EML3: variants seen among roughly 807,000 people sequenced by gnomAD.
EML3 encodes the protein echinoderm microtubule-associated protein-like 3.
In EML3, 53 loss-of-function variants were observed where a neutral mutation model predicts 106.7. The ratio of observed to expected loss-of-function variants is 0.50; its 90% CI spans 0.40 to 0.62. EML3 has a LOEUF of 0.62. Among genes scored for constraint, EML3 ranks in the 20% least tolerant of loss-of-function variants. The pLI is 0.00. For missense variants in EML3, 994 were observed against 1,209.1 expected, an observed-to-expected ratio of 0.82 and a Z score of 2.64; for synonymous variants, 499 against 489.6, an observed-to-expected ratio of 1.02 and a Z score of -0.25.
intron 12 of EML3, 103 bp from the exon 13 acceptor site, chr11:62,606,317 A>T: frequency 7.6e-7 from 1 of 1,323,632 alleles, no homozygotes; most frequent in Non-Finnish European, 1.0e-6. Context: ...CAGCCATTGC[A>T]TGCACTGACT....
intron 20 of EML3, 100 bp from the exon 21 acceptor site, chr11:62,602,989 G>A: frequency 6.8e-7 from 1 of 1,476,440 alleles, no homozygotes; most frequent in Non-Finnish European, 9.0e-7. Context: ...GCCACCCACT[G>A]CCGCGTTCCA....
rs1942640674 is a variant in EML3 at position 62,608,438 on chromosome 11, G to A, written c.1110+104C>T. 1.1e-5 allele frequency: 15 copies of A among 1,370,830 alleles called. No individual in the cohort carries two copies. In the South Asian group the frequency reaches 1.5e-4, roughly 14 times the overall value. 84.9% of individuals were successfully genotyped at this position (1,370,830 alleles called of 1,614,324 possible). A position where few individuals can be genotyped will look rare whatever the true frequency, so the allele number is the denominator to read the frequency against. On this transcript the variant is annotated intron_variant, in intron 9 of 21. Coordinates refer to ENST00000394773, the MANE Select transcript of EML3 (RefSeq NM_153265.3). ...TGGCCCTTTCTCAAGAGAACCAGCT[G>A]GGTGGGGTTCAGGAAGGCCAGAACT...
At chr11:62,603,871 GC>G in intron 18 of EML3, 55 bp from the exon 19 acceptor site, 1 of 1,610,670 alleles carries the variant, frequency 6.2e-7, no homozygotes, top group Non-Finnish European at 8.5e-7. Context: ...CATCCCCAGA[GC>G]CCCCTTGATG....
chr11:62,611,318 G>A lies in EML3; in HGVS notation c.221C>T (p.Pro74Leu). The stretch of plus-strand genomic sequence containing the variant: ...GCTCACCAAGGAAGGGGTGCACGTG[G>A]GTGGCAGTCCTGGGGGGGCTGCAAG... ...DSLAAPPGLP[P>L]TCTPSLVSRG... Residue 74 changes from proline to leucine, a missense_variant, in exon 3 of 22, where the codon CCC becomes CTC. Physicochemically the swap from Pro to Leu is moderately conservative, Grantham distance 98 (BLOSUM62 -3). Coordinates refer to ENST00000394773, the MANE Select transcript of EML3 (RefSeq NM_153265.3). 6.2e-7 allele frequency: 1 copy of A among 1,613,010 alleles called. No homozygotes were observed. The highest frequency in any genetic ancestry group is 1.7e-4 in the Middle Eastern group (1 of 6,056).
intron 4 of EML3, 127 bp from the exon 5 acceptor site, chr11:62,609,823 C>G (rs563154860): frequency 1.4e-5 from 11 of 781,046 alleles, no homozygotes; most frequent in Non-Finnish European, 2.0e-5. Context: ...TAGTTTGCTT[C>G]GTGAGTATCA....
chr11:62,603,559 C>T lies in EML3; in HGVS notation c.2257+170G>A, dbSNP rs143089622. On this transcript the variant is annotated intron_variant, in intron 19 of 21. Transcript: ENST00000394773. ...TTTGAACTCCCTCAAGTCAACAAGA[C>T]ATGGTGTGAAACTAGTTGTTTCCAA... Among the ~76,000 whole-genome samples the T allele has an allele frequency of 4.4e-4, 67 of 152,322 alleles. No individual in the cohort carries two copies. In the East Asian group the frequency reaches 0.011, roughly 26 times the overall value.
Position 62,602,285 on chromosome 11 carries a change from C to T in EML3, c.*190G>A, listed in dbSNP as rs887849116. On this transcript the variant is annotated 3_prime_UTR_variant, in exon 22 of 22. Transcript: ENST00000394773. ...AGTCAAGGCCTAGGCTGGGGCTGCC[C>T]GGCTCAGCCAGCGGGTCTAAACAGT... 1.4e-5 allele frequency: 21 copies of T among 1,550,476 alleles called. No homozygotes were observed. The highest frequency in any genetic ancestry group is 1.7e-5 in the Non-Finnish European group (20 of 1,146,760).
intron 1 of EML3, chr11:62,611,849 C>A: frequency 3.7e-6 from 2 of 547,740 alleles, no homozygotes; most frequent in Non-Finnish European, 6.4e-6. Context: ...CTGGGAGTAC[C>A]ATGGAGTACC....
chr11:62,608,925 C>T, intron 7 of EML3, 37 bp downstream of exon 7: 1 of 1,609,740 alleles, frequency 6.2e-7, no homozygotes, highest in Non-Finnish European at 8.5e-7. Context: ...CCCCCAGACC[C>T]TCTTCCTGCC....
intron 18 of EML3, 22 bp downstream of exon 18, chr11:62,603,922 C>A: frequency 6.2e-7 from 1 of 1,613,800 alleles, no homozygotes; most frequent in Non-Finnish European, 8.5e-7. Context: ...TCATGCCCCA[C>A]CACACACCCC....
At position 62,605,132 on chromosome 11, in the gene EML3, C is replaced by T. The variant is rs776127648; in HGVS notation, c.1963G>A (p.Val655Ile). The change falls in exon 16 of 22, where the codon GTA becomes ATA. Residue 655 changes from valine to isoleucine, a missense_variant. Val to Ile is a conservative substitution (Grantham distance 29). Coordinates refer to ENST00000394773, the MANE Select transcript of EML3 (RefSeq NM_153265.3). This position sits in a 1 kb window ranked among gnomAD's most constrained non-coding sequence, Gnocchi z 5.2. ...DFHPSGAVVA[V>I]GLNTGRWLVL... Reference sequence around the variant, plus strand: ...TCTCACCTCCCCGTGTTCAGTCCTACGGCCACAACTGCCCCACTCGGGTGG... The same window carrying T: ...TCTCACCTCCCCGTGTTCAGTCCTATGGCCACAACTGCCCCACTCGGGTGG... 19 of 1,612,852 alleles carry T rather than the reference C, an allele frequency of 1.2e-5. No homozygotes were observed. Among genetic ancestry groups the T allele is most frequent in the African/African-American group, 5.3e-5 (4 of 74,868 alleles).
At position 62,607,806 on chromosome 11, in the gene EML3, C is replaced by T; in HGVS notation, c.1222G>A (p.Val408Ile). ...LAEIKSTNDSVLAVGFNPRDS... is the reference protein window; with the variant it reads ...LAEIKSTNDSILAVGFNPRDS... The stretch of plus-strand genomic sequence containing the variant: ...CGAGGGTTGAAGCCAACGGCCAGGA[C>T]TGAGTCATTTGTACTCTGAAGGGAA... The change falls in exon 11 of 22, where the codon GTC (valine) becomes ATC (isoleucine). Residue 408 changes from valine (V) to isoleucine (I), a missense_variant. Physicochemically the swap from Val to Ile is conservative, Grantham distance 29. Transcript: ENST00000394773. 1 of 1,613,874 alleles carries T rather than the reference C, an allele frequency of 6.2e-7. No homozygotes were observed. The highest frequency in any genetic ancestry group is 8.5e-7 in the Non-Finnish European group (1 of 1,179,852).
chr11:62,608,352 C>G, intron 9 of EML3, 56 bp from the exon 10 acceptor site: 4 of 1,536,474 alleles, frequency 2.6e-6, no homozygotes, highest in Non-Finnish European at 3.6e-6. Flanking sequence ...TCCAGGGGTT[C>G]ATGGTCATTA....
At chr11:62,609,225 G>A (rs1269819327) in intron 6 of EML3, 93 bp from the exon 7 acceptor site, 21 of 1,578,170 alleles carry the variant, frequency 1.3e-5, no homozygotes, top group Non-Finnish European at 1.8e-5. Flanking sequence ...GCAGGGCCTA[G>A]AGCAGAATGA....
Position 62,607,117 on chromosome 11 carries a change from C to A in EML3, c.1363-18G>T. The A allele has an allele frequency of 6.2e-7, 1 of 1,612,676 alleles. No homozygotes were observed. Among genetic ancestry groups the A allele is most frequent in the South Asian group, 1.1e-5 (1 of 91,056 alleles). The stretch of plus-strand genomic sequence containing the variant: ...TTGTATTTCTAGTGGGAGGGGAGAG[C>A]AGACAGTAGAGGTCAAAGGGAAGGG... On this transcript the variant is annotated intron_variant, in intron 11 of 21. Transcript: ENST00000394773.
chr11:62,607,934 G>T, intron 10 of EML3, 113 bp from the exon 11 acceptor site: 1 of 1,286,652 alleles, frequency 7.8e-7, no homozygotes, highest in Non-Finnish European at 1.1e-6. Flanking sequence ...GAAACCCCAG[G>T]ACAACCCTTC....
At chr11:62,607,613 G>C (rs1278701333) in intron 11 of EML3, 53 bp downstream of exon 11, 19 of 1,578,478 alleles carry the variant, frequency 1.2e-5, no homozygotes, top group Non-Finnish European at 1.6e-5. Context: ...TCAGCCCAGT[G>C]CTTCCTCTTC....
chr11:62,611,494 C>A lies in EML3; in HGVS notation c.125G>T (p.Arg42Leu), dbSNP rs757673582. ...AGGGGGCACCTGCAGCCGCAGCAGGCGAAGGGCTTCTGCCAGGGCTGCCTT... is the reference window on the plus strand; with the variant it reads ...AGGGGGCACCTGCAGCCGCAGCAGGAGAAGGGCTTCTGCCAGGGCTGCCTT... ...LVKAALAEAL[R>L]LLRLQVPPSS... The change falls in exon 2 of 22, where the codon CGC (arginine) becomes CTC (leucine). Residue 42 changes from arginine to leucine, a missense_variant. Around this residue, in one of 3 missense-constraint regions of EML3, gnomAD observed 269 missense variants for 265.1 expected, o/e 1.01. Transcript: ENST00000394773. 1 of 1,613,738 alleles carries A rather than the reference C, an allele frequency of 6.2e-7. No individual in the cohort carries two copies. The highest frequency in any genetic ancestry group is 8.5e-7 in the Non-Finnish European group (1 of 1,179,938).
At chr11:62,610,840 C>A in intron 4 of EML3, 39 bp downstream of exon 4, 1 of 1,552,934 alleles carries the variant, frequency 6.4e-7, no homozygotes, top group South Asian at 1.1e-5. Flanking sequence ...CGAGAGCCTG[C>A]GCCTGGGGCG....
Sources: gnomAD v4.1 joint callset for allele counts (sites outside exome capture counted in the v4.1 genomes callset) on GRCh38, gnomAD v4.1.1 for gene constraint, gnomAD v4.1.1 regional missense constraint, Gnocchi (gnomAD v3.1) non-coding constraint, MANE v1.5 for transcripts, NCBI Gene and HGNC (gene_info 2026-07-23, HGNC 2026-07-21) for gene names.